Variants in GAS2 observed in about 807,000 individuals in gnomAD.
GAS2 encodes growth arrest specific 2.
In GAS2, 20 loss-of-function variants were observed where a neutral mutation model predicts 37.5. The ratio of observed to expected loss-of-function variants is 0.53; its 90% CI spans 0.37 to 0.77. GAS2 has a LOEUF of 0.77. GAS2 is among the 30% of genes least tolerant of loss of function. The pLI, the probability that GAS2 is intolerant of heterozygous loss-of-function variation, is 0.00. For synonymous variants in GAS2, 144 were observed against 132.2 expected (o/e 1.09, Z -0.61); for missense variants, 336 against 373.4 (o/e 0.90, Z 0.82).
chr11:22,738,509 T>TGAA (rs1852876291), intron 5 of GAS2, among the ~76,000 whole-genome samples: 1 of 152,182 alleles, frequency 6.6e-6, no homozygotes, highest in Non-Finnish European at 1.5e-5. Flanking sequence ...TACAAATGTT[T>TGAA]GAAGAAGTCT....
chr11:22,672,757 G>A (rs1458683048), intron 1 of GAS2: 1 of 151,944 alleles, frequency 6.6e-6, no homozygotes, highest in East Asian at 1.9e-4. Flanking sequence ...AGGCCAGCAG[G>A]CATATAGGAA....
Position 22,789,427 on chromosome 11 carries a change from T to TATATAAATATATATATATATAA in GAS2, c.724-22366_724-22365insAATATATATATATATAAATATA, listed in dbSNP as rs1564889859. On this transcript the variant is annotated intron_variant, in intron 7 of 7. Coordinates refer to ENST00000454584, the MANE Select transcript of GAS2 (RefSeq NM_001143830.3). ...GTATGTGTGTGTATCTCATATGAGA[T>TATATAAATATATATATATATAA]ATATATATATATATATATATATATA... is the stretch of plus-strand genomic sequence containing the variant. Among the ~76,000 whole-genome samples, 138 of 33,886 alleles carry TATATAAATATATATATATATAA rather than the reference T, an allele frequency of 4.1e-3. 22 individuals are homozygous for TATATAAATATATATATATATAA. The highest frequency in any genetic ancestry group is 6.1e-3 in the Non-Finnish European group (113 of 18,476). The allele number at this position is 33,886 out of a possible 152,430, so 22.2% of individuals were successfully genotyped here.
intron 7 of GAS2, among the ~76,000 whole-genome samples, chr11:22,811,477 G>A (rs1857162024): frequency 6.6e-6 from 1 of 152,116 alleles, no homozygotes; most frequent in African/African-American, 2.4e-5. Flanking sequence ...AGGAACCAGA[G>A]GCAGTAATAA....
intron 6 of GAS2, among the ~76,000 whole-genome samples, chr11:22,751,596 G>A (rs1366872984): frequency 6.6e-6 from 1 of 151,938 alleles, no homozygotes; most frequent in Non-Finnish European, 1.5e-5. Context: ...CACATGCTCT[G>A]GAAATGCATG....
At chr11:22,754,023 C>T (rs1055402543) in intron 6 of GAS2, among the ~76,000 whole-genome samples, 4 of 152,012 alleles carry the variant, frequency 2.6e-5, no homozygotes, top group African/African-American at 7.2e-5. Context: ...TCTCTTAGAA[C>T]AGAAATCTAT....
intron 4 of GAS2, among the ~76,000 whole-genome samples, chr11:22,727,937 C>T (rs1317058037): frequency 6.6e-6 from 1 of 151,770 alleles, no homozygotes; most frequent in African/African-American, 2.4e-5. Context: ...ATGTTAAGAT[C>T]GTGTAAAAAT....
chr11:22,753,571 C>A (rs77545607), intron 6 of GAS2, among the ~76,000 whole-genome samples: 1 of 152,184 alleles, frequency 6.6e-6, no homozygotes, highest in East Asian at 1.9e-4. Flanking sequence ...CACATGGCAG[C>A]AAAATTGTGC....
At chr11:22,744,138 C>T (rs1402669107) in intron 5 of GAS2, among the ~76,000 whole-genome samples, 1 of 151,940 alleles carries the variant, frequency 6.6e-6, no homozygotes, top group Admixed American at 6.6e-5. Context: ...GAAATTGAAT[C>T]GGTAGTAAAA....
intron 1 of GAS2, among the ~76,000 whole-genome samples, chr11:22,641,941 T>C (rs1427305532): frequency 1.3e-5 from 2 of 152,168 alleles, no homozygotes; most frequent in African/African-American, 4.8e-5. Flanking sequence ...ATGTGAAGTG[T>C]TTTCATAAAA....
rs775591142 is a variant in GAS2, at chr11:22,674,999, T to C, written c.130T>C (p.Leu44=). ...AATGAAAGAAGATCTGGCCTTGTGGTTAACCAATCTATTAGGTAAGGTTAT... is the reference window on the plus strand; with the variant it reads ...AATGAAAGAAGATCTGGCCTTGTGGCTAACCAATCTATTAGGTAAGGTTAT... ...LPMKEDLALW[L]TNLLGKEITA... Residue 44 remains leucine (L), a synonymous_variant, in exon 2 of 8, where the codon TTA becomes CTA. Coordinates refer to ENST00000454584, the MANE Select transcript of GAS2 (RefSeq NM_001143830.3). The C allele has an allele frequency of 1.1e-5, 17 of 1,613,508 alleles. No individual in the cohort carries two copies. The South Asian group carries it at 1.9e-4, about 18-fold the overall frequency.
In GAS2 at chr11:22,676,057, T is replaced by A. The variant is rs114182990; in HGVS notation, c.145+1043T>A. On this transcript the variant is annotated intron_variant, in intron 2 of 7. Transcript: ENST00000454584. ...GGATTTCTTTATCCTATATTTCTTT[T>A]TTCTTCATGGTGTGCACACAATTTT... Among the ~76,000 whole-genome samples the A allele has an allele frequency of 4.8e-3, 731 of 152,280 alleles. 5 individuals carry two copies. Among genetic ancestry groups the A allele is most frequent in the African/African-American group, 0.017 (696 of 41,560 alleles).
chr11:22,710,345 A>T (rs896958492), intron 3 of GAS2, among the ~76,000 whole-genome samples: 2 of 152,086 alleles, frequency 1.3e-5, no homozygotes, highest in Admixed American at 1.3e-4. Context: ...AGTACCCCAA[A>T]ATAGTTTTGA....
rs1246293894 is a variant in GAS2, at chr11:22,812,764, T to C, written c.*748T>C. The C allele has an allele frequency of 6.6e-6, 1 of 152,586 alleles. No individual in the cohort carries two copies. The highest frequency in any genetic ancestry group is 6.5e-5 in the Admixed American group (1 of 15,268). The allele number at this position is 152,586 out of a possible 1,614,324, so 9.5% of individuals were successfully genotyped here. On this transcript the variant is annotated 3_prime_UTR_variant, in exon 8 of 8. Transcript: ENST00000454584. ...TACGTTGATACTTTGACGAGTAAAT[T>C]GTACAGTCAAATGTTCATTGATTTC...
chr11:22,756,971 AT>A (rs1854078646), intron 7 of GAS2, among the ~76,000 whole-genome samples: 1 of 152,148 alleles, frequency 6.6e-6, no homozygotes, highest in Non-Finnish European at 1.5e-5. Context: ...ACATTAAATA[AT>A]AGTGATCTAG....
intron 1 of GAS2, among the ~76,000 whole-genome samples, chr11:22,634,790 G>A (rs1156564033): frequency 6.6e-6 from 1 of 152,102 alleles, no homozygotes; most frequent in African/African-American, 2.4e-5. Context: ...GGGGTGGCAG[G>A]GGAGTGATGT....
At chr11:22,715,232 C>A (rs1851608065) in intron 3 of GAS2, among the ~76,000 whole-genome samples, 1 of 151,936 alleles carries the variant, frequency 6.6e-6, no homozygotes, top group Non-Finnish European at 1.5e-5. Context: ...GAGGCCAAGG[C>A]AGGCGGATCA....
intron 4 of GAS2, among the ~76,000 whole-genome samples, chr11:22,728,884 T>A (rs557907749): frequency 1.4e-4 from 21 of 151,436 alleles, no homozygotes; most frequent in African/African-American, 3.6e-4. Context: ...TTTTTTTTTT[T>A]AATTATTCAT....
intron 1 of GAS2, chr11:22,667,237 G>C (rs1849021464): frequency 6.6e-6 from 1 of 152,192 alleles, no homozygotes; most frequent in Non-Finnish European, 1.5e-5. Flanking sequence ...GACAGAGTGA[G>C]GATTTTTAAT....
chr11:22,675,652 A>G (rs1260700661), intron 2 of GAS2, among the ~76,000 whole-genome samples: 1 of 149,422 alleles, frequency 6.7e-6, no homozygotes, highest in Admixed American at 6.8e-5. Context: ...AACTATGTGA[A>G]AAATAGAATC....
Sources: gnomAD v4.1 joint callset for allele counts (sites outside exome capture counted in the v4.1 genomes callset) on GRCh38, gnomAD v4.1.1 for gene constraint, MANE v1.5 for transcripts, NCBI Gene and HGNC (gene_info 2026-07-23, HGNC 2026-07-21) for gene names.